The following HGSNAT variants were observed in gnomAD, a reference collection of about 807,000 sequenced individuals.
HGSNAT encodes heparan-alpha-glucosaminide N-acetyltransferase.
A neutral mutation model predicts 85.2 loss-of-function variants in HGSNAT; 59 were observed. The ratio of observed to expected loss-of-function variants is 0.69; its 90% CI spans 0.56 to 0.86. HGSNAT has a LOEUF of 0.86. HGSNAT is among the 40% of genes least tolerant of loss of function. HGSNAT has a pLI of 0.00. For missense variants in HGSNAT, 756 were observed against 777.1 expected (o/e 0.97, Z 0.32); for synonymous variants, 321 against 304.5 (o/e 1.05, Z -0.56).
intron 17 of HGSNAT, among the ~76,000 whole-genome samples, chr8:43,198,611 G>A (rs1186204876): frequency 1.3e-5 from 2 of 151,990 alleles, no homozygotes; most frequent in Non-Finnish European, 2.9e-5. Flanking sequence ...ATGGTGCTAT[G>A]CTTGCTTTCT....
chr8:43,166,736 T>C (rs1029268172), intron 5 of HGSNAT, among the ~76,000 whole-genome samples: 2 of 152,190 alleles, frequency 1.3e-5, no homozygotes, highest in Admixed American at 6.6e-5. Context: ...AGGAGTAATA[T>C]TGATTTTCAA....
At chr8:43,149,473 C>T (rs1197328371) in intron 2 of HGSNAT, among the ~76,000 whole-genome samples, 9 of 152,196 alleles carry the variant, frequency 5.9e-5, no homozygotes, top group Admixed American at 5.2e-4. Flanking sequence ...CCGAGGCGGG[C>T]GGATCACGAA....
At position 43,200,176 on chromosome 8, in the gene HGSNAT, T is replaced by G. The variant is rs1399488503; in HGVS notation, c.*607T>G. On this transcript the variant is annotated 3_prime_UTR_variant, in exon 18 of 18. Transcript: ENST00000379644. ...TTTTTCCTTTTCCTCTCTCGAAAAGTTAAAATATCTATGTGTTATTCCCAA... is the reference window on the plus strand; with the variant it reads ...TTTTTCCTTTTCCTCTCTCGAAAAGGTAAAATATCTATGTGTTATTCCCAA... The G allele has an allele frequency of 4.6e-5, 7 of 152,184 alleles. No individual in the cohort carries two copies. Among genetic ancestry groups the G allele is most frequent in the African/African-American group, 1.7e-4 (7 of 41,446 alleles). 9.4% of individuals were successfully genotyped at this position (152,184 alleles called of 1,614,324 possible).
At chr8:43,178,274 A>G in intron 10 of HGSNAT, 40 bp downstream of exon 10, 2 of 1,379,944 alleles carry the variant, frequency 1.4e-6, no homozygotes, top group Non-Finnish European at 1.9e-6. Flanking sequence ...TTCAGGTTGA[A>G]ATATGGAAAC....
chr8:43,193,639 C>A, intron 13 of HGSNAT, 118 bp from the exon 14 acceptor site: 1 of 642,908 alleles, frequency 1.6e-6, no homozygotes, highest in Non-Finnish European at 2.7e-6. Flanking sequence ...ATTTCTGCAG[C>A]AAAAACAGAA....
intron 11 of HGSNAT, among the ~76,000 whole-genome samples, chr8:43,187,990 T>C (rs992272324): frequency 6.6e-6 from 1 of 152,208 alleles, no homozygotes; most frequent in African/African-American, 2.4e-5. Context: ...TTGTGGCTTG[T>C]AGAGTTTCTG....
At chr8:43,175,225 C>A (rs1175993036) in intron 9 of HGSNAT, among the ~76,000 whole-genome samples, 1 of 152,100 alleles carries the variant, frequency 6.6e-6, no homozygotes, top group East Asian at 1.9e-4. Context: ...GATTTCCTTC[C>A]TTTTGCATAT....
At chr8:43,190,228 C>T (rs928671306) in intron 11 of HGSNAT, among the ~76,000 whole-genome samples, 1 of 152,136 alleles carries the variant, frequency 6.6e-6, no homozygotes, top group Non-Finnish European at 1.5e-5. Context: ...TTACTTCTTT[C>T]CCCCACCCAC....
intron 11 of HGSNAT, among the ~76,000 whole-genome samples, chr8:43,188,409 T>C (rs544721185): frequency 1.2e-3 from 188 of 152,334 alleles, no homozygotes; most frequent in African/African-American, 4.4e-3. Flanking sequence ...CAATCACTGA[T>C]ACCCTTTCTT....
intron 14 of HGSNAT, among the ~76,000 whole-genome samples, chr8:43,195,473 T>G (rs1804673313): frequency 6.7e-6 from 1 of 149,816 alleles, no homozygotes; most frequent in African/African-American, 2.5e-5. Flanking sequence ...ATGTTGAGTA[T>G]GAGTAGTAGG....
intron 2 of HGSNAT, among the ~76,000 whole-genome samples, chr8:43,149,469 C>T (rs183688440): frequency 2.6e-5 from 4 of 152,128 alleles, no homozygotes; most frequent in Admixed American, 1.3e-4. Context: ...GAGGCCGAGG[C>T]GGGCGGATCA....
chr8:43,194,039 A>T (rs2130811344), intron 14 of HGSNAT, 196 bp downstream of exon 14: 1 of 1,290,552 alleles, frequency 7.7e-7, no homozygotes, highest in East Asian at 2.9e-5. Context: ...ATTAGATATA[A>T]TTCTTATATT....
At chr8:43,152,612 A>C (rs1401321961) in intron 2 of HGSNAT, among the ~76,000 whole-genome samples, 4 of 152,182 alleles carry the variant, frequency 2.6e-5, no homozygotes, top group South Asian at 2.1e-4. Flanking sequence ...CATGACACCC[A>C]GCTAATTTTT....
At chr8:43,197,409 G>A (rs577015248) in intron 15 of HGSNAT, 1 of 552,968 alleles carries the variant, frequency 1.8e-6, no homozygotes, top group South Asian at 2.4e-5. Context: ...CCTGACCGCA[G>A]CCATGCCTCC....
chr8:43,150,693 GCA>G, intron 2 of HGSNAT, among the ~76,000 whole-genome samples: 2 of 152,018 alleles, frequency 1.3e-5, no homozygotes, highest in Non-Finnish European at 2.9e-5. Context: ...AATTAGCCAG[GCA>G]TGGTGGTGGG....
intron 1 of HGSNAT, among the ~76,000 whole-genome samples, chr8:43,141,515 T>C (rs1295689737): frequency 6.6e-6 from 1 of 152,092 alleles, no homozygotes; most frequent in African/African-American, 2.4e-5. Context: ...CCCTAGGTCC[T>C]TCGCACACGC....
In HGSNAT at chr8:43,199,831, T is replaced by G; in HGVS notation, c.*262T>G. The stretch of plus-strand genomic sequence containing the variant: ...TGTGGAAATGGATGTCTTTGGAACT[T>G]CATTCCGAGGAGATAAGCTTTAACT... On this transcript the variant is annotated 3_prime_UTR_variant, in exon 18 of 18. Transcript: ENST00000379644. The G allele has an allele frequency of 3.4e-6, 1 of 292,204 alleles. No homozygotes were observed. Among genetic ancestry groups the G allele is most frequent in the Non-Finnish European group, 6.3e-6 (1 of 159,136 alleles). 18.1% of individuals were successfully genotyped at this position (292,204 alleles called of 1,614,324 possible).
At chr8:43,186,248 G>A (rs182745027) in intron 11 of HGSNAT, among the ~76,000 whole-genome samples, 2,049 of 152,236 alleles carry the variant, frequency 0.013, 28 homozygotes, top group Non-Finnish European at 0.02. Context: ...GTAGAATTTG[G>A]TTGTGAATCC....
chr8:43,173,728 ACC>A lies in HGSNAT; in HGVS notation c.837_838del (p.Leu280ArgfsTer88). 6.2e-7 allele frequency: 1 copy of A among 1,612,914 alleles called. No homozygotes were observed. Among genetic ancestry groups the A allele is most frequent in the Admixed American group, 1.7e-5 (1 of 59,902 alleles). On this transcript the variant is annotated frameshift_variant, in exon 9 of 18. Transcript: ENST00000379644. LOFTEE classifies it high-confidence loss of function. ...TGTTCTGCAGGGCTGACAGTGGCTG[ACC>A]TCGTGTTCCCGTGGTGAGTTGCCGG...
Sources: allele counts gnomAD v4.1 joint callset (sites outside exome capture counted in the v4.1 genomes callset), GRCh38; gene constraint gnomAD v4.1.1; transcripts MANE v1.5; gene names NCBI Gene and HGNC (gene_info 2026-07-23, HGNC 2026-07-21).